GALNT13: variants seen among roughly 807,000 people sequenced by gnomAD.
GALNT13 encodes the protein polypeptide N-acetylgalactosaminyltransferase 13, also known as UDP-GalNAc:polypeptide N-acetylgalactosaminyltransferase 13.
A neutral mutation model predicts 64.2 loss-of-function variants in GALNT13; 28 were observed. The observed-to-expected ratio is 0.44, with a 90% CI of 0.32 to 0.60. The LOEUF (loss-of-function observed/expected upper bound fraction) is 0.60, where lower values mean the gene tolerates loss of function less well. Ranked by LOEUF, GALNT13 falls within the 20% of genes least tolerant of loss-of-function variation. GALNT13 has a pLI of 0.05. For missense variants in GALNT13, 577 were observed against 669.8 expected (o/e 0.86, Z 1.53); for synonymous variants, 214 against 224.6 (o/e 0.95, Z 0.42).
At chr2:153,159,242 C>G in the GALNT13 span, 1 of 152,192 alleles carries the variant, frequency 6.6e-6, no homozygotes, top group Admixed American at 6.5e-5. Context: ...TCTTCTCTAC[C>G]ATACCAGTAG....
At chr2:153,622,553 T>C in the GALNT13 span, among the ~76,000 whole-genome samples, 1 of 152,202 alleles carries the variant, frequency 6.6e-6, no homozygotes, top group Non-Finnish European at 1.5e-5. Flanking sequence ...CAAGGCACTG[T>C]GATTATTGGT....
the GALNT13 span, among the ~76,000 whole-genome samples, chr2:153,134,509 C>T: frequency 1.5e-3 from 222 of 152,258 alleles, 1 homozygote; most frequent in Non-Finnish European, 2.5e-3. Context: ...ATTAATAACA[C>T]GCTACACAAT....
chr2:153,365,057 G>C, the GALNT13 span, among the ~76,000 whole-genome samples: 1 of 152,068 alleles, frequency 6.6e-6, no homozygotes, highest in Non-Finnish European at 1.5e-5. Flanking sequence ...TAGATCAATG[G>C]AACAGAACAG....
intron 12 of GALNT13, among the ~76,000 whole-genome samples, chr2:154,445,617 A>G (rs190716938): frequency 4.6e-4 from 70 of 152,142 alleles, no homozygotes; most frequent in African/African-American, 1.6e-3. Context: ...CTACATAGTT[A>G]ATATTATGAA....
At chr2:154,289,685 C>A (rs190981844) in intron 8 of GALNT13, among the ~76,000 whole-genome samples, 2 of 152,316 alleles carry the variant, frequency 1.3e-5, no homozygotes, top group Non-Finnish European at 2.9e-5. Flanking sequence ...ACAGCCAAAG[C>A]ATATCAATCC....
At chr2:153,822,241 A>G in the GALNT13 span, among the ~76,000 whole-genome samples, 1 of 152,174 alleles carries the variant, frequency 6.6e-6, no homozygotes, top group Non-Finnish European at 1.5e-5. Context: ...CCACAAAGCC[A>G]TCATCCCTCT....
intron 9 of GALNT13, among the ~76,000 whole-genome samples, chr2:154,380,772 C>G (rs1209465102): frequency 6.6e-6 from 1 of 152,020 alleles, no homozygotes; most frequent in Non-Finnish European, 1.5e-5. Flanking sequence ...TTCAGGGTCT[C>G]TCACATGCCT....
the GALNT13 span, among the ~76,000 whole-genome samples, chr2:153,549,668 C>A: frequency 4.6e-5 from 7 of 152,154 alleles, no homozygotes; most frequent in South Asian, 1.2e-3. Flanking sequence ...TAGCAACAAG[C>A]TTTTCATGCA....
chr2:153,847,557 T>A, the GALNT13 span, among the ~76,000 whole-genome samples: 1 of 151,872 alleles, frequency 6.6e-6, no homozygotes, highest in African/African-American at 2.4e-5. Context: ...TTGGAATCAA[T>A]TGCAAAGAGA....
chr2:153,885,645 G>T (rs1687122443), intron 1 of GALNT13, among the ~76,000 whole-genome samples: 1 of 152,054 alleles, frequency 6.6e-6, no homozygotes, highest in Non-Finnish European at 1.5e-5. Context: ...AACGGTACCA[G>T]TTACTGTGAT....
the GALNT13 span, among the ~76,000 whole-genome samples, chr2:153,591,312 C>G: frequency 6.6e-6 from 1 of 151,918 alleles, no homozygotes; most frequent in African/African-American, 2.4e-5. Context: ...GTAGGTGACA[C>G]AAATCGAAAA....
At chr2:153,262,209 G>A in the GALNT13 span, among the ~76,000 whole-genome samples, 1 of 152,088 alleles carries the variant, frequency 6.6e-6, no homozygotes, top group African/African-American at 2.4e-5. Context: ...TCTCACTCAG[G>A]GCCCACAGTG....
chr2:154,454,387 G>A (rs995822406), downstream of GALNT13, among the ~76,000 whole-genome samples: 5 of 152,110 alleles, frequency 3.3e-5, no homozygotes, highest in East Asian at 1.9e-4. Flanking sequence ...ATGGGGCCAG[G>A]CATGGTGGCT....
upstream of GALNT13, among the ~76,000 whole-genome samples, chr2:153,869,170 T>TC (rs1160894590): frequency 6.6e-6 from 1 of 152,136 alleles, no homozygotes. Context: ...TTTTTAAAGA[T>TC]CCAGGGCTTT....
chr2:154,241,428 G>A (rs1689484576), intron 4 of GALNT13, among the ~76,000 whole-genome samples: 1 of 152,130 alleles, frequency 6.6e-6, no homozygotes, highest in South Asian at 2.1e-4. Context: ...AGAAATGCTG[G>A]TAGTCCATTC....
At chr2:154,092,075 GAAAAAAAAAAAAA>G (rs58406719) in intron 3 of GALNT13, among the ~76,000 whole-genome samples, 10,413 of 74,690 alleles carry the variant, frequency 0.14, 513 homozygotes, top group Middle Eastern at 0.24. Flanking sequence ...TTCATGTCTG[GAAAAAAAAAAAAA>G]AAAAAAAAAA....
At chr2:154,275,522 G>A (rs907505751) in intron 8 of GALNT13, among the ~76,000 whole-genome samples, 7 of 152,216 alleles carry the variant, frequency 4.6e-5, no homozygotes, top group African/African-American at 1.7e-4. Flanking sequence ...AGGCCTGTGG[G>A]TTCACAGAAG....
At chr2:153,415,450 G>A in the GALNT13 span, among the ~76,000 whole-genome samples, 1 of 152,158 alleles carries the variant, frequency 6.6e-6, no homozygotes, top group Admixed American at 6.5e-5. Context: ...GCATTCATTG[G>A]AATGAAACCT....
At chr2:153,201,608 T>C in the GALNT13 span, 2 of 152,190 alleles carry the variant, frequency 1.3e-5, no homozygotes, top group Non-Finnish European at 2.9e-5. Flanking sequence ...TATAGCTCTT[T>C]TGTCATCCAC....
Sources: gnomAD v4.1 joint callset for allele counts (sites outside exome capture counted in the v4.1 genomes callset) on GRCh38, gnomAD v4.1.1 for gene constraint, MANE v1.5 for transcripts, NCBI Gene and HGNC (gene_info 2026-07-23, HGNC 2026-07-21) for gene names.